Variants in FHIT observed in about 807,000 individuals in gnomAD.
The protein encoded by FHIT is bis(5'-adenosyl)-triphosphatase.
A neutral mutation model predicts 17.9 loss-of-function variants in FHIT; 19 were observed. That is an observed-to-expected ratio of 1.06 (90% confidence interval 0.74 to 1.56). FHIT has a LOEUF of 1.56. FHIT is among the 40% of genes most tolerant of loss of function. The probability of loss-of-function intolerance (pLI) is 0.00; values close to 1 mark genes in which losing one functional copy is unlikely to be tolerated. For missense variants in FHIT, 248 were observed against 189.2 expected (o/e 1.31, Z -1.82); for synonymous variants, 81 against 69.7 (o/e 1.16, Z -0.81).
At chr3:60,439,743 C>T (rs762346138) in intron 5 of FHIT, among the ~76,000 whole-genome samples, 17 of 152,064 alleles carry the variant, frequency 1.1e-4, no homozygotes, top group Admixed American at 3.3e-4. Context: ...TCCCAGGCTC[C>T]TCAAAGAGCA....
Position 59,981,460 on chromosome 3 carries a change from G to A in FHIT, c.279+29911C>T, listed in dbSNP as rs138637697. On this transcript the variant is annotated intron_variant, in intron 7 of 9. Coordinates refer to ENST00000492590, the MANE Select transcript of FHIT (RefSeq NM_002012.4). ...AATTCTATTGCTGCCCTTGAACTGT[G>A]CTCTCTGATTTCCTGCTGCAAAAAT... Among the ~76,000 whole-genome samples the A allele has an allele frequency of 2.8e-3, 424 of 152,222 alleles. 1 individual carries two copies. Among genetic ancestry groups the A allele is most frequent in the Middle Eastern group, 0.01 (3 of 294 alleles).
intron 5 of FHIT, among the ~76,000 whole-genome samples, chr3:60,044,872 T>C (rs1405404701): frequency 6.6e-6 from 1 of 152,114 alleles, no homozygotes; most frequent in Admixed American, 6.5e-5. Flanking sequence ...TGCCAAGCCC[T>C]GTGAGCACAA....
At chr3:61,043,396 C>A (rs1241740728) in intron 2 of FHIT, among the ~76,000 whole-genome samples, 1 of 152,146 alleles carries the variant, frequency 6.6e-6, no homozygotes, top group Non-Finnish European at 1.5e-5. Context: ...AGTCTGAGAT[C>A]GAACTGCAAA....
chr3:61,184,578 T>C (rs2038447273), intron 2 of FHIT, among the ~76,000 whole-genome samples: 1 of 152,152 alleles, frequency 6.6e-6, no homozygotes, highest in African/African-American at 2.4e-5. Flanking sequence ...CCAACTATTT[T>C]GCAGGGGAAT....
chr3:61,237,660 C>T (rs1211987018), intron 1 of FHIT, among the ~76,000 whole-genome samples: 1 of 152,178 alleles, frequency 6.6e-6, no homozygotes, highest in South Asian at 2.1e-4. Context: ...TCAGGTCATA[C>T]GTATTGAGTG....
chr3:59,779,974 T>G (rs1702499664), intron 8 of FHIT, among the ~76,000 whole-genome samples: 1 of 152,220 alleles, frequency 6.6e-6, no homozygotes, highest in South Asian at 2.1e-4. Context: ...CTGAAACAAC[T>G]GCTAGGCAGA....
At chr3:59,850,295 C>T (rs950955002) in intron 8 of FHIT, among the ~76,000 whole-genome samples, 1 of 152,174 alleles carries the variant, frequency 6.6e-6, no homozygotes, top group African/African-American at 2.4e-5. Flanking sequence ...TTTGAACAGA[C>T]AACTTTACCT....
chr3:60,376,951 T>C (rs1476502931), intron 5 of FHIT, among the ~76,000 whole-genome samples: 2 of 152,224 alleles, frequency 1.3e-5, no homozygotes, highest in Non-Finnish European at 2.9e-5. Context: ...TAGTTTGTCA[T>C]TGTTTGGCTG....
intron 3 of FHIT, among the ~76,000 whole-genome samples, chr3:60,894,290 T>C (rs1332285921): frequency 6.6e-6 from 1 of 152,216 alleles, no homozygotes; most frequent in Non-Finnish European, 1.5e-5. Flanking sequence ...TGAACATTAT[T>C]GGACACTTTC....
At chr3:60,324,406 A>G (rs1334421041) in intron 5 of FHIT, among the ~76,000 whole-genome samples, 1 of 152,024 alleles carries the variant, frequency 6.6e-6, no homozygotes, top group Non-Finnish European at 1.5e-5. Context: ...AACATGGTGA[A>G]ACCCTGTCTC....
intron 5 of FHIT, among the ~76,000 whole-genome samples, chr3:60,300,924 C>T (rs1047766758): frequency 1.3e-5 from 2 of 151,962 alleles, no homozygotes; most frequent in African/African-American, 4.8e-5. Flanking sequence ...TCTCTTTTAC[C>T]TGTACTGTAA....
intron 8 of FHIT, among the ~76,000 whole-genome samples, chr3:59,847,213 C>T (rs1176009768): frequency 6.6e-6 from 1 of 152,148 alleles, no homozygotes; most frequent in East Asian, 1.9e-4. Flanking sequence ...TCTCACAATG[C>T]ATACGTTGGT....
At chr3:59,968,694 A>T (rs958274169) in intron 7 of FHIT, among the ~76,000 whole-genome samples, 2 of 152,188 alleles carry the variant, frequency 1.3e-5, no homozygotes, top group Non-Finnish European at 2.9e-5. Context: ...CATTAGTTAC[A>T]TAAGCCTAGA....
chr3:61,146,474 G>T (rs933232266), intron 2 of FHIT, among the ~76,000 whole-genome samples: 1 of 151,976 alleles, frequency 6.6e-6, no homozygotes, highest in Admixed American at 6.6e-5. Flanking sequence ...ACTTGCAAAC[G>T]ACAGTTTGAC....
At chr3:60,873,365 A>G (rs1335122259) in intron 3 of FHIT, among the ~76,000 whole-genome samples, 1 of 152,174 alleles carries the variant, frequency 6.6e-6, no homozygotes, top group East Asian at 1.9e-4. Flanking sequence ...GTTTTCTGTC[A>G]TGTCAGGAAA....
intron 4 of FHIT, among the ~76,000 whole-genome samples, chr3:60,696,175 C>A (rs551073377): frequency 6.6e-6 from 1 of 152,166 alleles, no homozygotes; most frequent in African/African-American, 2.4e-5. Context: ...TATGTATGAG[C>A]CTCATATAAA....
intron 5 of FHIT, among the ~76,000 whole-genome samples, chr3:60,420,515 A>T (rs242173): frequency 0.95 from 145,365 of 152,220 alleles, 69,484 homozygotes; most frequent in East Asian, 1. Flanking sequence ...CAATATATAT[A>T]GCTCCTAGCA....
At chr3:60,025,360 T>A (rs562744242) in intron 5 of FHIT, among the ~76,000 whole-genome samples, 1 of 152,296 alleles carries the variant, frequency 6.6e-6, no homozygotes, top group South Asian at 2.1e-4. Context: ...CCAACTAAGA[T>A]AAGAAATCTA....
intron 3 of FHIT, among the ~76,000 whole-genome samples, chr3:60,861,606 A>G (rs1162481563): frequency 1.3e-5 from 2 of 152,008 alleles, no homozygotes; most frequent in Non-Finnish European, 2.9e-5. Context: ...TCATCATAGG[A>G]TATTGATAGT....
Sources: gnomAD v4.1 joint callset for allele counts (sites outside exome capture counted in the v4.1 genomes callset) on GRCh38, gnomAD v4.1.1 for gene constraint, MANE v1.5 for transcripts, NCBI Gene and HGNC (gene_info 2026-07-23, HGNC 2026-07-21) for gene names.